CTBP1: variants seen among roughly 807,000 people sequenced by gnomAD.
The protein encoded by CTBP1 is C-terminal-binding protein 1.
A neutral mutation model predicts 42.1 loss-of-function variants in CTBP1; 11 were observed. The ratio of observed to expected loss-of-function variants is 0.26; its 90% CI spans 0.16 to 0.43. The LOEUF is 0.43. Ranked by LOEUF, CTBP1 falls within the 20% of genes least tolerant of loss-of-function variation. The pLI is 1.00. For synonymous variants in CTBP1, 324 were observed against 277.1 expected (o/e 1.17, Z -1.68); for missense variants, 399 against 624.3 (o/e 0.64, Z 3.85).
chr4:1,242,378 C>A, intron 1 of CTBP1: 2 of 985,362 alleles, frequency 2.0e-6, no homozygotes, highest in South Asian at 9.4e-5. Context: ...GAGCCGGCCA[C>A]CACCAGCCCA....
intron 5 of CTBP1, among the ~76,000 whole-genome samples, chr4:1,224,688 T>C (rs1164645578): frequency 6.7e-6 from 1 of 149,260 alleles, no homozygotes; most frequent in Admixed American, 6.6e-5. Context: ...TGCAGGCCAG[T>C]GTGAGACCCA....
chr4:1,245,173 T>A, intron 1 of CTBP1: 1 of 985,330 alleles, frequency 1.0e-6, no homozygotes. Flanking sequence ...GACGGCAGCA[T>A]CCCTGTGAGC....
At chr4:1,244,710 G>T in intron 1 of CTBP1, 4 of 985,278 alleles carry the variant, frequency 4.1e-6, no homozygotes, top group Non-Finnish European at 4.8e-6. Flanking sequence ...ACCCTGCCCT[G>T]TCCCCATAAG....
At chr4:1,245,908 G>T (rs1268345143) in intron 1 of CTBP1, among the ~76,000 whole-genome samples, 2 of 152,170 alleles carry the variant, frequency 1.3e-5, no homozygotes, top group Non-Finnish European at 2.9e-5. Context: ...GCTTCCCTCA[G>T]GGCCATCCTC....
intron 3 of CTBP1, among the ~76,000 whole-genome samples, chr4:1,230,553 G>A (rs903331806): frequency 2.0e-5 from 3 of 152,198 alleles, no homozygotes; most frequent in African/African-American, 7.2e-5. Flanking sequence ...TGGGCAGCTG[G>A]ATGTGCAGGG....
chr4:1,238,418 C>T lies in CTBP1; in HGVS notation c.8-81G>A, dbSNP rs755408296. On this transcript the variant is annotated intron_variant, in intron 2 of 9. Transcript: ENST00000382952. This position sits in a 1 kb window ranked among gnomAD's most constrained non-coding sequence, Gnocchi z 5.9. The stretch of plus-strand genomic sequence containing the variant: ...CCCACTCCACGCCACCCACTGTGCA[C>T]GGGCCAACGAGGGCCGACCGCCGGG... 154 of 1,475,196 alleles carry T rather than the reference C, an allele frequency of 1.0e-4. No homozygotes were observed. Among genetic ancestry groups the T allele is most frequent in the Non-Finnish European group, 1.3e-4 (144 of 1,112,440 alleles). The allele number at this position is 1,475,196 out of a possible 1,614,324, so 91.4% of individuals were successfully genotyped here.
intron 1 of CTBP1, among the ~76,000 whole-genome samples, chr4:1,247,465 G>C (rs1732835223): frequency 6.6e-6 from 1 of 152,188 alleles, no homozygotes; most frequent in Admixed American, 6.5e-5. Flanking sequence ...GGCAGGCAGG[G>C]GAGACCTGGG....
chr4:1,238,071 T>C lies in CTBP1; in HGVS notation c.162+112A>G, dbSNP rs1731759814. The C allele has an allele frequency of 7.2e-7, 1 of 1,391,582 alleles. No individual in the cohort carries two copies. Among genetic ancestry groups the C allele is most frequent in the Non-Finnish European group, 1.0e-6 (1 of 985,696 alleles). The allele number at this position is 1,391,582 out of a possible 1,614,324, so 86.2% of individuals were successfully genotyped here. The stretch of plus-strand genomic sequence containing the variant: ...GCGGGACGACTGGGACAGAGGCTGC[T>C]CCTGCCCCAGTGGCACCCAGACCTG... On this transcript the variant is annotated intron_variant, in intron 3 of 9. Coordinates refer to ENST00000382952, the MANE Select transcript of CTBP1 (RefSeq NM_001012614.2). This position sits in a 1 kb window ranked among gnomAD's most constrained non-coding sequence, Gnocchi z 5.9.
intron 3 of CTBP1, among the ~76,000 whole-genome samples, chr4:1,230,211 T>C (rs755172655): frequency 5.3e-5 from 8 of 151,872 alleles, no homozygotes; most frequent in African/African-American, 7.3e-5. Context: ...CCAGACGTAG[T>C]GTGGACGGGG....
chr4:1,220,821 G>A (rs931789909), intron 5 of CTBP1, among the ~76,000 whole-genome samples: 3 of 152,248 alleles, frequency 2.0e-5, no homozygotes, highest in Non-Finnish European at 2.9e-5. Context: ...CTCACACCAC[G>A]TGTGAGTGGC....
chr4:1,244,446 G>A (rs1244344813), intron 1 of CTBP1: 1 of 984,890 alleles, frequency 1.0e-6, no homozygotes, highest in Non-Finnish European at 1.2e-6. Flanking sequence ...TCAGCACCTG[G>A]TCCTCATCCC....
intron 1 of CTBP1, chr4:1,244,018 A>T: frequency 3.0e-6 from 3 of 985,456 alleles, no homozygotes; most frequent in Non-Finnish European, 3.6e-6. Flanking sequence ...GCTCTAAAAC[A>T]AAAACTGATT....
At chr4:1,243,457 C>T (rs1383227374) in intron 1 of CTBP1, 1 of 985,392 alleles carries the variant, frequency 1.0e-6, no homozygotes, top group Non-Finnish European at 1.2e-6. Context: ...AAGGCTGCTC[C>T]AGTTCAGGAC....
At chr4:1,241,603 T>A (rs1047145086) in intron 1 of CTBP1, 84 bp from the exon 2 acceptor site, 13 of 1,459,462 alleles carry the variant, frequency 8.9e-6, no homozygotes, top group Non-Finnish European at 1.2e-5. Context: ...GCCTCAGAAG[T>A]GGACCTCACT....
intron 5 of CTBP1, among the ~76,000 whole-genome samples, chr4:1,224,869 T>C (rs1167908865): frequency 6.6e-6 from 1 of 151,646 alleles, no homozygotes; most frequent in African/African-American, 2.4e-5. Context: ...CTGTGGCATC[T>C]ATGACATCCG....
chr4:1,220,766 C>A (rs955970230), intron 5 of CTBP1, among the ~76,000 whole-genome samples: 1 of 152,370 alleles, frequency 6.6e-6, no homozygotes, highest in East Asian at 1.9e-4. Context: ...CGCATCGTGC[C>A]GCAGCGACCT....
At chr4:1,249,643 AT>A, upstream of CTBP1, 1 of 422,078 alleles carries the variant, frequency 2.4e-6, no homozygotes, top group Non-Finnish European at 4.7e-6. Context: ...CCGAGCCCTG[AT>A]TTACCGTCCG....
chr4:1,240,740 A>G (rs1335045737), intron 2 of CTBP1, among the ~76,000 whole-genome samples: 1 of 152,138 alleles, frequency 6.6e-6, no homozygotes, highest in Non-Finnish European at 1.5e-5. Flanking sequence ...GCCTCCTCAC[A>G]TCACCCATGA....
intron 9 of CTBP1, 47 bp from the exon 10 acceptor site, chr4:1,212,470 G>T: frequency 7.2e-7 from 1 of 1,387,788 alleles, no homozygotes. Context: ...AGGCGGCCTG[G>T]CCAGGCCCCA....
Sources: allele counts gnomAD v4.1 joint callset (sites outside exome capture counted in the v4.1 genomes callset), GRCh38; gene constraint gnomAD v4.1.1; non-coding constraint Gnocchi (gnomAD v3.1); transcripts MANE v1.5; gene names NCBI Gene and HGNC (gene_info 2026-07-23, HGNC 2026-07-21).